The following ALDH3B1 variants were observed in gnomAD, a reference collection of about 807,000 sequenced individuals.
ALDH3B1 encodes aldehyde dehydrogenase family 3 member B1.
ALDH3B1 carries 37 observed loss-of-function variants against 46.2 expected under a neutral mutation model. The ratio of observed to expected loss-of-function variants is 0.80; its 90% CI spans 0.62 to 1.05. The LOEUF is 1.05. Among genes scored for constraint, ALDH3B1 ranks in the 50% least tolerant of loss-of-function variants. ALDH3B1 has a pLI of 0.00. For missense variants in ALDH3B1, 603 were observed against 665.5 expected (o/e 0.91, Z 1.03); for synonymous variants, 283 against 281.0 (o/e 1.01, Z -0.07).
At chr11:68,013,916 T>C (rs1394608885) in intron 1 of ALDH3B1, among the ~76,000 whole-genome samples, 2 of 152,214 alleles carry the variant, frequency 1.3e-5, no homozygotes, top group Non-Finnish European at 2.9e-5. Flanking sequence ...GGCCCCACAA[T>C]CACTCCAGCT....
chr11:68,022,893 CCA>C lies in ALDH3B1; in HGVS notation c.1116+134_1116+135del, dbSNP rs1240263486. 4 of 1,341,728 alleles carry C rather than the reference CCA, an allele frequency of 3.0e-6. No individual in the cohort carries two copies. In the African/African-American group the frequency reaches 5.7e-5, roughly 19 times the overall value. 83.1% of individuals were successfully genotyped at this position (1,341,728 alleles called of 1,614,324 possible). A position where few individuals can be genotyped will look rare whatever the true frequency, so the allele number is the denominator to read the frequency against. ...GTGGACCTCTTGGCTCTGTCTCTGC[CCA>C]CTCTCCTGGAAGCAGCTGAGCCTCA... On this transcript the variant is annotated intron_variant, in intron 8 of 9. Coordinates refer to ENST00000342456, the MANE Select transcript of ALDH3B1 (RefSeq NM_000694.4).
chr11:68,019,020 C>A, intron 4 of ALDH3B1, 127 bp downstream of exon 4: 1 of 1,468,800 alleles, frequency 6.8e-7, no homozygotes, highest in Non-Finnish European at 9.1e-7. Context: ...TCCACCGTCC[C>A]CGGGCTGTGT....
At chr11:68,019,008 G>T in intron 4 of ALDH3B1, 115 bp downstream of exon 4, 1 of 1,470,496 alleles carries the variant, frequency 6.8e-7, no homozygotes, top group Admixed American at 2.2e-5. Flanking sequence ...AGGACTGTCT[G>T]GTCCACCGTC....
Position 68,021,879 on chromosome 11 carries a change from C to A in ALDH3B1, c.949+8C>A. 1 of 1,583,718 alleles carries A rather than the reference C, an allele frequency of 6.3e-7. No homozygotes were observed. The highest frequency in any genetic ancestry group is 8.6e-7 in the Non-Finnish European group (1 of 1,163,268). ...AGAGCGATCGCTACATCGGTGAGTC[C>A]TGCTGCCCCTACCACAGCCCACCTG... On this transcript the variant is annotated splice_region_variant and intron_variant, in intron 7 of 9. Transcript: ENST00000342456.
rs1854673528 is a variant in ALDH3B1 at position 68,029,049 on chromosome 11, G to A, written c.*1110G>A. On this transcript the variant is annotated 3_prime_UTR_variant, in exon 10 of 10. Transcript: ENST00000342456. ...CACTTTTGAACAAGCTGATGATTCTGAAACTGGCCCAATTTCCTAACAAGC... is the reference window on the plus strand; with the variant it reads ...CACTTTTGAACAAGCTGATGATTCTAAAACTGGCCCAATTTCCTAACAAGC... 6.6e-6 allele frequency: 1 copy of A among 152,244 alleles called. No homozygotes were observed. The highest frequency in any genetic ancestry group is 1.5e-5 in the Non-Finnish European group (1 of 68,046). The allele number at this position is 152,244 out of a possible 1,614,324, so 9.4% of individuals were successfully genotyped here.
intron 1 of ALDH3B1, among the ~76,000 whole-genome samples, chr11:68,011,574 C>T (rs1401153937): frequency 6.6e-6 from 1 of 152,248 alleles, no homozygotes; most frequent in Non-Finnish European, 1.5e-5. Flanking sequence ...AGCTACACTG[C>T]AGGAGATCAG....
At chr11:68,009,007 G>A (rs545965613), upstream of ALDH3B1, among the ~76,000 whole-genome samples, 7 of 152,310 alleles carry the variant, frequency 4.6e-5, no homozygotes, top group South Asian at 6.2e-4. Flanking sequence ...GAGGAAGATC[G>A]GGACTACAGG....
chr11:68,008,850 T>C (rs308336), upstream of ALDH3B1, among the ~76,000 whole-genome samples: 7,586 of 152,158 alleles, frequency 0.05, 549 homozygotes, highest in African/African-American at 0.16. Context: ...AGGCTCTTCC[T>C]CCACACCTGT....
intron 2 of ALDH3B1, 88 bp from the exon 3 acceptor site, chr11:68,018,439 G>A: frequency 5.1e-6 from 5 of 973,584 alleles, no homozygotes; most frequent in Middle Eastern, 5.9e-4. Flanking sequence ...TGAATGAGTT[G>A]TGGAAGCAGG....
chr11:68,020,995 C>A (rs144098168), intron 6 of ALDH3B1, among the ~76,000 whole-genome samples: 1 of 152,116 alleles, frequency 6.6e-6, no homozygotes, highest in African/African-American at 2.4e-5. Flanking sequence ...GGACAGTCCA[C>A]CTCAAGGGTC....
rs550925145 is a variant in ALDH3B1 at position 68,021,898 on chromosome 11, C to T, written c.949+27C>T. On this transcript the variant is annotated intron_variant, in intron 7 of 9. Coordinates refer to ENST00000342456, the MANE Select transcript of ALDH3B1 (RefSeq NM_000694.4). ...TGAGTCCTGCTGCCCCTACCACAGCCCACCTGGGCCAAGACCCCTCCTCAC... is the reference window on the plus strand; with the variant it reads ...TGAGTCCTGCTGCCCCTACCACAGCTCACCTGGGCCAAGACCCCTCCTCAC... 9 of 1,563,708 alleles carry T rather than the reference C, an allele frequency of 5.8e-6. No homozygotes were observed. The African/African-American group carries it at 1.2e-4, about 21-fold the overall frequency.
intron 9 of ALDH3B1, among the ~76,000 whole-genome samples, chr11:68,027,408 G>A (rs1857653436): frequency 6.6e-6 from 1 of 152,176 alleles, no homozygotes. Context: ...TTAGGAGGGA[G>A]GTACCCTTGT....
At chr11:68,009,447 G>A (rs189473290), upstream of ALDH3B1, among the ~76,000 whole-genome samples, 3 of 152,242 alleles carry the variant, frequency 2.0e-5, no homozygotes, top group South Asian at 2.1e-4. Flanking sequence ...GATTAAAGAA[G>A]GAAGAGGTTT....
Position 68,026,041 on chromosome 11 carries a change from C to G in ALDH3B1, c.1149C>G (p.Ser383Arg). The change falls in exon 9 of 10, where the codon AGC becomes AGG. Residue 383 changes from serine (S) to arginine (R), a missense_variant. By Grantham distance (110) the Ser-to-Arg change is moderately radical. Coordinates refer to ENST00000342456, the MANE Select transcript of ALDH3B1 (RefSeq NM_000694.4). Reference protein sequence around the residue: ...VVKRVLTQTSSGGFCGNDGFM... With the variant: ...VVKRVLTQTSRGGFCGNDGFM... ...AGCGGGTGCTGACCCAGACCAGCAG[C>G]GGGGGCTTCTGTGGGAACGACGGCT... is the stretch of plus-strand genomic sequence containing the variant. 1 of 1,607,770 alleles carries G rather than the reference C, an allele frequency of 6.2e-7. No homozygotes were observed. Among genetic ancestry groups the G allele is most frequent in the Admixed American group, 1.7e-5 (1 of 59,264 alleles).
At chr11:68,015,499 AG>A (rs756322019) in intron 2 of ALDH3B1, 40 bp downstream of exon 2, 4 of 1,556,476 alleles carry the variant, frequency 2.6e-6, no homozygotes, top group Non-Finnish European at 3.5e-6. Context: ...GCACTGGGGC[AG>A]GGGGGCATGG....
intron 2 of ALDH3B1, chr11:68,018,213 C>T (rs777405300): frequency 2.6e-5 from 10 of 388,240 alleles, no homozygotes; most frequent in South Asian, 8.8e-5. Flanking sequence ...CACAGCCACA[C>T]GCTCCAGCAG....
chr11:68,018,181 C>T, intron 2 of ALDH3B1: 1 of 296,808 alleles, frequency 3.4e-6, no homozygotes, highest in South Asian at 4.1e-5. Context: ...TGGATGTATA[C>T]ATGTGCACAC....
intron 2 of ALDH3B1, chr11:68,015,695 A>T (rs768267703): frequency 5.6e-5 from 39 of 693,316 alleles, no homozygotes; most frequent in Non-Finnish European, 9.4e-5. Flanking sequence ...CTCTGGGGAT[A>T]TAGCAGAGAA....
chr11:68,022,086 G>A (rs1176154430), intron 7 of ALDH3B1, among the ~76,000 whole-genome samples: 3 of 152,214 alleles, frequency 2.0e-5, no homozygotes, highest in East Asian at 1.9e-4. Flanking sequence ...CCTTGGATTC[G>A]CTGAGCTCAG....
Sources: gnomAD v4.1 joint callset for allele counts (sites outside exome capture counted in the v4.1 genomes callset) on GRCh38, gnomAD v4.1.1 for gene constraint, MANE v1.5 for transcripts, NCBI Gene and HGNC (gene_info 2026-07-23, HGNC 2026-07-21) for gene names.